GRM7: variants seen among roughly 807,000 people sequenced by gnomAD.
GRM7 encodes metabotropic glutamate receptor 7.
A neutral mutation model predicts 84.5 loss-of-function variants in GRM7; 35 were observed. That is an observed-to-expected ratio of 0.41 (90% CI 0.32 to 0.55). The LOEUF (loss-of-function observed/expected upper bound fraction) is 0.55. Among genes scored for constraint, GRM7 ranks in the 20% least tolerant of loss-of-function variants. The pLI is 0.19. For missense variants in GRM7, 1,003 were observed against 1,194.6 expected (o/e 0.84, Z 2.36); for synonymous variants, 487 against 455.1 (o/e 1.07, Z -0.89).
At chr3:6,878,378 C>T (rs461758) in intron 1 of GRM7, among the ~76,000 whole-genome samples, 19 of 142,050 alleles carry the variant, frequency 1.3e-4, no homozygotes, top group Admixed American at 2.1e-4. Context: ...TATGTGTTTG[C>T]GTGTGTGTGT....
In GRM7 at chr3:7,215,651, C is replaced by T. The variant is rs371559182; in HGVS notation, c.736+68983C>T. 4.2e-4 allele frequency among the ~76,000 whole-genome samples: 64 copies of T among 150,804 alleles called. No homozygotes were observed. In the East Asian group the frequency reaches 8.9e-3, roughly 21 times the overall value. On this transcript the variant is annotated intron_variant, in intron 2 of 9. Coordinates refer to ENST00000357716, the MANE Select transcript of GRM7 (RefSeq NM_000844.4). ...CTGCACTCCAGCCTGGGCGACAGAG[C>T]GAGACTCTGTCTCAAAAAAATAAAT...
intron 1 of GRM7, among the ~76,000 whole-genome samples, chr3:6,966,895 G>A (rs1018025112): frequency 6.6e-6 from 1 of 152,154 alleles, no homozygotes; most frequent in African/African-American, 2.4e-5. Flanking sequence ...CTTTGGCCAT[G>A]ATGAGGCTTA....
intron 9 of GRM7, among the ~76,000 whole-genome samples, chr3:7,739,050 C>A (rs57169778): frequency 0.025 from 3,773 of 152,178 alleles, 173 homozygotes; most frequent in African/African-American, 0.086. Context: ...TCATAAAATT[C>A]TATTCTTATT....
intron 1 of GRM7, among the ~76,000 whole-genome samples, chr3:6,926,071 C>T (rs1482721271): frequency 6.6e-6 from 1 of 152,134 alleles, no homozygotes; most frequent in Non-Finnish European, 1.5e-5. Context: ...CAAAACCTCC[C>T]ACACACATGC....
intron 9 of GRM7, among the ~76,000 whole-genome samples, chr3:7,724,213 G>A (rs1267948336): frequency 2.0e-5 from 3 of 152,270 alleles, no homozygotes; most frequent in Middle Eastern, 3.4e-3. Flanking sequence ...CCATGAGAAA[G>A]CAACAATGAA....
intron 1 of GRM7, among the ~76,000 whole-genome samples, chr3:6,890,160 T>C (rs529806005): frequency 1.3e-5 from 2 of 152,334 alleles, no homozygotes; most frequent in East Asian, 3.9e-4. Flanking sequence ...CTATCAATTT[T>C]GTTGATCCTT....
At chr3:7,597,597 C>T (rs1014097427) in intron 8 of GRM7, among the ~76,000 whole-genome samples, 2 of 151,956 alleles carry the variant, frequency 1.3e-5, no homozygotes, top group African/African-American at 4.8e-5. Flanking sequence ...TCATTGTGCA[C>T]GTGAAGGGTA....
At chr3:6,918,962 A>C (rs76105348) in intron 1 of GRM7, among the ~76,000 whole-genome samples, 2,132 of 152,316 alleles carry the variant, frequency 0.014, 54 homozygotes, top group African/African-American at 0.049. Flanking sequence ...GCAGTGGATA[A>C]ATTATTACAT....
At chr3:7,696,248 A>G (rs1487998089) in intron 9 of GRM7, among the ~76,000 whole-genome samples, 1 of 152,186 alleles carries the variant, frequency 6.6e-6, no homozygotes, top group Non-Finnish European at 1.5e-5. Flanking sequence ...TACGACATAT[A>G]TTGTGAGCTA....
intron 1 of GRM7, among the ~76,000 whole-genome samples, chr3:6,869,459 A>G (rs1458273335): frequency 2.0e-5 from 3 of 152,038 alleles, no homozygotes; most frequent in Non-Finnish European, 4.4e-5. Flanking sequence ...ATTAATCATT[A>G]TTGCTAATTT....
intron 1 of GRM7, among the ~76,000 whole-genome samples, chr3:6,935,302 A>T (rs1412924197): frequency 6.6e-6 from 1 of 152,220 alleles, no homozygotes; most frequent in African/African-American, 2.4e-5. Flanking sequence ...AATTAAATGT[A>T]AAACAACATT....
chr3:7,077,800 A>C (rs1698146013), intron 1 of GRM7, among the ~76,000 whole-genome samples: 2 of 152,170 alleles, frequency 1.3e-5, no homozygotes, highest in African/African-American at 4.8e-5. Flanking sequence ...GGAAGTGACA[A>C]ATGGGAGCTA....
chr3:7,238,806 C>G (rs941859000), intron 2 of GRM7, among the ~76,000 whole-genome samples: 4 of 147,836 alleles, frequency 2.7e-5, no homozygotes, highest in African/African-American at 1.0e-4. Context: ...CCTCTCCTCT[C>G]CTCTCCTTTT....
chr3:7,351,156 G>A (rs1322233369), intron 4 of GRM7, among the ~76,000 whole-genome samples: 1 of 151,834 alleles, frequency 6.6e-6, no homozygotes, highest in African/African-American at 2.4e-5. Context: ...ATGCAAACAG[G>A]TTCTTTGTTC....
At chr3:7,474,300 T>C (rs2124927946) in intron 7 of GRM7, among the ~76,000 whole-genome samples, 1 of 152,258 alleles carries the variant, frequency 6.6e-6, no homozygotes, top group South Asian at 2.1e-4. Context: ...AAGAATTCAT[T>C]TTTCTCATTA....
At chr3:6,938,542 T>C (rs1439577514) in intron 1 of GRM7, among the ~76,000 whole-genome samples, 1 of 152,114 alleles carries the variant, frequency 6.6e-6, no homozygotes, top group African/African-American at 2.4e-5. Context: ...TGCGGTAGGC[T>C]TAGAGGGGAT....
rs1575575552 is a variant in GRM7 at position 7,632,563 on chromosome 3, A to G, written c.2452-47486A>G. On this transcript the variant is annotated intron_variant, in intron 8 of 9. Transcript: ENST00000357716. Reference sequence around the variant, plus strand: ...GAATATTGCCTTGGGGCTGTTTTCCAATCTGTAAAATGAAGATCAAAATAG... The same window carrying G: ...GAATATTGCCTTGGGGCTGTTTTCCGATCTGTAAAATGAAGATCAAAATAG... Among the ~76,000 whole-genome samples, 3 of 152,254 alleles carry G rather than the reference A, an allele frequency of 2.0e-5. No homozygotes were observed. The South Asian group carries it at 6.2e-4, about 31-fold the overall frequency.
intron 2 of GRM7, among the ~76,000 whole-genome samples, chr3:7,214,769 A>T (rs1696545562): frequency 6.6e-6 from 1 of 152,208 alleles, no homozygotes; most frequent in South Asian, 2.1e-4. Flanking sequence ...ACAATTGGGT[A>T]GTGACTGGAA....
At chr3:7,567,740 T>A (rs188353037) in intron 7 of GRM7, among the ~76,000 whole-genome samples, 1,923 of 84,812 alleles carry the variant, frequency 0.023, 20 homozygotes, top group Admixed American at 0.042. Flanking sequence ...AGAGTGAGAC[T>A]CCATCTCAAA....
Sources: gnomAD v4.1 joint callset for allele counts (sites outside exome capture counted in the v4.1 genomes callset) on GRCh38, gnomAD v4.1.1 for gene constraint, MANE v1.5 for transcripts, NCBI Gene and HGNC (gene_info 2026-07-23, HGNC 2026-07-21) for gene names.